Variants in CRYZ observed in about 807,000 individuals in gnomAD.
CRYZ encodes the protein crystallin zeta.
In CRYZ, 35 loss-of-function variants were observed where a neutral mutation model predicts 34.1. The observed-to-expected ratio is 1.03, with a 90% CI of 0.78 to 1.36. The LOEUF is 1.36. Ranked by LOEUF, CRYZ falls within the 40% of genes most tolerant of loss-of-function variation. The pLI is 0.00. For missense variants in CRYZ, 403 were observed against 391.8 expected (o/e 1.03, Z -0.24); for synonymous variants, 137 against 136.5 (o/e 1.00, Z -0.03).
intron 3 of CRYZ, among the ~76,000 whole-genome samples, chr1:74,719,932 C>T (rs1647134883): frequency 6.6e-6 from 1 of 151,982 alleles, no homozygotes; most frequent in Non-Finnish European, 1.5e-5. Flanking sequence ...ATGTTGATGG[C>T]TCAGTCCATG....
At chr1:74,731,456 C>T (rs547934632) in intron 1 of CRYZ, among the ~76,000 whole-genome samples, 1 of 152,282 alleles carries the variant, frequency 6.6e-6, no homozygotes, top group South Asian at 2.1e-4. Flanking sequence ...TACACAATGA[C>T]TCATGTAAGC....
At position 74,723,106 on chromosome 1, in the gene CRYZ, A is replaced by C; in HGVS notation, c.264+12T>G. On this transcript the variant is annotated intron_variant, in intron 3 of 8. Transcript: ENST00000340866. ...AATTCAGCCAAAATAGAAATAATTA[A>C]AAATGCAATACCTTGAAAGCAGATG... 1 of 1,603,088 alleles carries C rather than the reference A, an allele frequency of 6.2e-7. No individual in the cohort carries two copies. The highest frequency in any genetic ancestry group is 1.1e-5 in the South Asian group (1 of 87,816).
At chr1:74,706,817 CT>C (rs1646935063) in intron 8 of CRYZ, 81 bp downstream of exon 8, 2 of 1,126,204 alleles carry the variant, frequency 1.8e-6, no homozygotes, top group African/African-American at 3.1e-5. Context: ...AGTTTAACAT[CT>C]ATTCAAACTT....
intron 4 of CRYZ, among the ~76,000 whole-genome samples, chr1:74,716,548 C>T (rs1647078278): frequency 6.6e-6 from 1 of 152,144 alleles, no homozygotes; most frequent in Non-Finnish European, 1.5e-5. Context: ...ATCACAGTTC[C>T]TGAATTTTCC....
rs146208357 is a variant in CRYZ at position 74,723,262 on chromosome 1, G to T, written c.120C>A (p.Ile40=). The stretch of plus-strand genomic sequence containing the variant: ...GGTTGACACCACATGCATGGACCTT[G>T]ATTAGAACCTGCAATGACAATGTAT... ...VPIPKDHQVL[I]KVHACGVNPV... Residue 40 remains isoleucine, a synonymous_variant, in exon 3 of 9, where the codon ATC becomes ATA. Transcript: ENST00000340866. 946 of 1,607,654 alleles carry T rather than the reference G, an allele frequency of 5.9e-4. 4 individuals carry two copies. Among genetic ancestry groups the T allele is most frequent in the South Asian group, 4.5e-3 (402 of 88,998 alleles).
chr1:74,719,674 T>G (rs1237082897), intron 3 of CRYZ, among the ~76,000 whole-genome samples: 1 of 151,938 alleles, frequency 6.6e-6, no homozygotes, highest in African/African-American at 2.4e-5. Context: ...TTTTGTATTT[T>G]TAGTAGAGAC....
chr1:74,723,384 A>G (rs1647200148), intron 2 of CRYZ, 114 bp from the exon 3 acceptor site: 6 of 944,354 alleles, frequency 6.4e-6, no homozygotes, highest in Middle Eastern at 2.3e-4. Context: ...AGCAAAACAA[A>G]TAAGTGCTTG....
intron 1 of CRYZ, among the ~76,000 whole-genome samples, chr1:74,732,447 T>C (rs1353590671): frequency 6.6e-6 from 1 of 151,542 alleles, no homozygotes; most frequent in Non-Finnish European, 1.5e-5. Flanking sequence ...CCCCTACAGC[T>C]GGGCTGTGGG....
intron 6 of CRYZ, among the ~76,000 whole-genome samples, chr1:74,709,566 TACA>T (rs1477305135): frequency 6.6e-6 from 1 of 152,226 alleles, no homozygotes; most frequent in African/African-American, 2.4e-5. Flanking sequence ...GCTAATATAG[TACA>T]AGTGAAGAAC....
At chr1:74,729,969 C>T (rs529346507) in intron 1 of CRYZ, among the ~76,000 whole-genome samples, 84 of 152,282 alleles carry the variant, frequency 5.5e-4, no homozygotes, top group African/African-American at 2.0e-3. Context: ...CTCTCTCTCT[C>T]TCTCACACCT....
intron 5 of CRYZ, among the ~76,000 whole-genome samples, chr1:74,710,672 TC>T (rs1221249363): frequency 2.6e-5 from 4 of 152,182 alleles, no homozygotes; most frequent in Non-Finnish European, 4.4e-5. Flanking sequence ...CTCTCTGACT[TC>T]TTTGTGCATA....
intron 5 of CRYZ, among the ~76,000 whole-genome samples, chr1:74,711,487 C>G (rs988232505): frequency 6.6e-6 from 1 of 152,076 alleles, no homozygotes; most frequent in African/African-American, 2.4e-5. Flanking sequence ...AGATTGAATG[C>G]GGGAGATGAG....
chr1:74,726,871 T>C (rs897943450), intron 1 of CRYZ, among the ~76,000 whole-genome samples: 4 of 152,174 alleles, frequency 2.6e-5, no homozygotes, highest in Non-Finnish European at 5.9e-5. Flanking sequence ...CCAGATACCC[T>C]AAATCATCTT....
intron 4 of CRYZ, among the ~76,000 whole-genome samples, chr1:74,715,366 C>T (rs970122953): frequency 4.6e-5 from 7 of 152,196 alleles, no homozygotes; most frequent in Admixed American, 1.3e-4. Context: ...TCCAGATGGA[C>T]GGTGCCAATG....
At chr1:74,732,614 GGT>G (rs1157533350) in intron 1 of CRYZ, among the ~76,000 whole-genome samples, 1 of 50,260 alleles carries the variant, frequency 2.0e-5, no homozygotes, top group Non-Finnish European at 5.7e-5. Flanking sequence ...GGGGGGGGGG[GGT>G]GCAGCGTGGG....
At chr1:74,710,009 A>T in intron 6 of CRYZ, 89 bp downstream of exon 6, 1 of 1,075,310 alleles carries the variant, frequency 9.3e-7, no homozygotes, top group Non-Finnish European at 1.3e-6. Flanking sequence ...AACAGCTTTA[A>T]AGGAGTAGTT....
At position 74,706,612 on chromosome 1, in the gene CRYZ, A is replaced by G. The variant is rs143145674; in HGVS notation, c.829-155T>C. On this transcript the variant is annotated intron_variant, in intron 8 of 8. Transcript: ENST00000340866. Reference sequence around the variant, plus strand: ...ACTTGTCCAGAACTATAGAAAAAGTAGTTATCTACAGGGTAACCATAAATC... The same window carrying G: ...ACTTGTCCAGAACTATAGAAAAAGTGGTTATCTACAGGGTAACCATAAATC... 1.2e-4 allele frequency among the ~76,000 whole-genome samples: 18 copies of G among 152,296 alleles called. No individual in the cohort carries two copies. The Middle Eastern group carries it at 0.017, about 144-fold the overall frequency.
rs150243503 is a variant in CRYZ, at chr1:74,726,656, G to C, written c.-13-1822C>G. Among the ~76,000 whole-genome samples the C allele has an allele frequency of 1.2e-3, 177 of 152,296 alleles. 1 individual carries two copies. Among genetic ancestry groups the C allele is most frequent in the African/African-American group, 3.9e-3 (164 of 41,562 alleles). On this transcript the variant is annotated intron_variant, in intron 1 of 8. Coordinates refer to ENST00000340866, the MANE Select transcript of CRYZ (RefSeq NM_001889.4). ...CTCCTTACTTAGGCAAGTTTCTGCG[G>C]CTGGCTTGAATTTCTCCTCAGAAAA...
Position 74,721,828 on chromosome 1 carries a change from C to T in CRYZ, c.264+1290G>A, listed in dbSNP as rs151038950. 5.0e-3 allele frequency among the ~76,000 whole-genome samples: 758 copies of T among 152,310 alleles called. 7 individuals are homozygous for T. Among genetic ancestry groups the T allele is most frequent in the African/African-American group, 0.017 (710 of 41,560 alleles). ...GATCATGTGAGTCTAGTGTCTCCAACAGAACTCTCTGTAATGATGGAAATG... is the reference window on the plus strand; with the variant it reads ...GATCATGTGAGTCTAGTGTCTCCAATAGAACTCTCTGTAATGATGGAAATG... On this transcript the variant is annotated intron_variant, in intron 3 of 8. Coordinates refer to ENST00000340866, the MANE Select transcript of CRYZ (RefSeq NM_001889.4).
Sources: allele counts gnomAD v4.1 joint callset (sites outside exome capture counted in the v4.1 genomes callset), GRCh38; gene constraint gnomAD v4.1.1; transcripts MANE v1.5; gene names NCBI Gene and HGNC (gene_info 2026-07-23, HGNC 2026-07-21).